The following DROSHA variants were observed in gnomAD, a reference collection of about 807,000 sequenced individuals.
DROSHA encodes drosha ribonuclease III.
DROSHA carries 56 observed loss-of-function variants against 181.9 expected under a neutral mutation model. The ratio of observed to expected loss-of-function variants is 0.31; its 90% CI spans 0.25 to 0.38. The LOEUF is 0.38. Among genes scored for constraint, DROSHA ranks in the 10% least tolerant of loss-of-function variants. The probability of loss-of-function intolerance (pLI) is 1.00; values close to 1 mark genes in which losing one functional copy is unlikely to be tolerated. For synonymous variants in DROSHA, 524 were observed against 591.2 expected, an observed-to-expected ratio of 0.89 and a Z score of 1.65; for missense variants, 1,218 against 1,743.5, an observed-to-expected ratio of 0.70 and a Z score of 5.37.
At position 31,464,348 on chromosome 5, in the gene DROSHA, A is replaced by T; in HGVS notation, c.2467-5T>A. On this transcript the variant is annotated splice_region_variant and splice_polypyrimidine_tract_variant and intron_variant, in intron 19 of 35. Transcript: ENST00000344624. ...CCGTATTTTTTGGAGGGCTTCCTAGAAAAGAATTCATTATGATGAGTAACA... is the reference window on the plus strand; with the variant it reads ...CCGTATTTTTTGGAGGGCTTCCTAGTAAAGAATTCATTATGATGAGTAACA... 6.2e-7 allele frequency: 1 copy of T among 1,612,242 alleles called. No homozygotes were observed. Among genetic ancestry groups the T allele is most frequent in the South Asian group, 1.1e-5 (1 of 90,920 alleles).
At chr5:31,423,360 G>A (rs1561135590) in intron 28 of DROSHA, 1 of 153,896 alleles carries the variant, frequency 6.5e-6, no homozygotes, top group Non-Finnish European at 1.4e-5. Flanking sequence ...CCTATGTCTG[G>A]AATCAAGACT....
intron 16 of DROSHA, among the ~76,000 whole-genome samples, chr5:31,478,510 G>A (rs1209500460): frequency 6.6e-6 from 1 of 152,192 alleles, no homozygotes; most frequent in Non-Finnish European, 1.5e-5. Context: ...GCTGAGGCGG[G>A]CAGACCTGAG....
intron 11 of DROSHA, among the ~76,000 whole-genome samples, chr5:31,503,786 G>A (rs1471007832): frequency 6.6e-6 from 1 of 152,172 alleles, no homozygotes; most frequent in African/African-American, 2.4e-5. Context: ...ACAATTCCTC[G>A]CTACACTTGC....
chr5:31,530,196 C>T (rs970381573), intron 3 of DROSHA, among the ~76,000 whole-genome samples: 2 of 152,092 alleles, frequency 1.3e-5, no homozygotes, highest in African/African-American at 4.8e-5. Context: ...TCATAGCTCA[C>T]TGCTGTCTCT....
intron 20 of DROSHA, among the ~76,000 whole-genome samples, chr5:31,458,565 T>G (rs894950623): frequency 2.0e-5 from 3 of 152,126 alleles, no homozygotes; most frequent in Non-Finnish European, 4.4e-5. Flanking sequence ...CACGTACAAA[T>G]AAAGAGAGTC....
In DROSHA at chr5:31,407,025, G is replaced by A. The variant is rs745452313; in HGVS notation, c.3855-80C>T. 5.8e-6 allele frequency: 7 copies of A among 1,212,874 alleles called. No individual in the cohort carries two copies. The Admixed American group carries it at 8.5e-5, about 15-fold the overall frequency. 75.1% of individuals were successfully genotyped at this position (1,212,874 alleles called of 1,614,324 possible). A position where few individuals can be genotyped will look rare whatever the true frequency, so the allele number is the denominator to read the frequency against. The stretch of plus-strand genomic sequence containing the variant: ...ACTATGTAACTATGAGGAAAACCAT[G>A]TACTTAGTGCCTAGACAGAGTTAAG... On this transcript the variant is annotated intron_variant, in intron 33 of 35. Transcript: ENST00000344624.
intron 30 of DROSHA, among the ~76,000 whole-genome samples, chr5:31,414,337 T>C (rs897964275): frequency 2.0e-5 from 3 of 152,240 alleles, no homozygotes; most frequent in Non-Finnish European, 4.4e-5. Flanking sequence ...TATCTATTTA[T>C]ATATTTTAGT....
intron 17 of DROSHA, among the ~76,000 whole-genome samples, chr5:31,471,634 A>C (rs1037143249): frequency 2.0e-5 from 3 of 152,196 alleles, no homozygotes; most frequent in Non-Finnish European, 4.4e-5. Context: ...TTAACAAAAG[A>C]AAACATGAAT....
intron 4 of DROSHA, 27 bp downstream of exon 4, chr5:31,529,013 T>C: frequency 2.5e-6 from 4 of 1,612,668 alleles, no homozygotes; most frequent in Non-Finnish European, 3.4e-6. Context: ...TCTCCCAAAC[T>C]ATTGCCATTC....
At chr5:31,418,279 G>GACACAGAGAGAGAGACAC (rs1398775850) in intron 30 of DROSHA, among the ~76,000 whole-genome samples, 58 of 152,018 alleles carry the variant, frequency 3.8e-4, no homozygotes, top group African/African-American at 1.4e-3. Flanking sequence ...GAGAGAGAGA[G>GACACAGAGAGAGAGACAC]ACACAGAGAG....
At position 31,510,063 on chromosome 5, in the gene DROSHA, A is replaced by AAAG. The variant is rs1554045123; in HGVS notation, c.1432+971_1432+972insCTT. 3.6e-5 allele frequency among the ~76,000 whole-genome samples: 5 copies of AAAG among 139,862 alleles called. 1 individual carries two copies. Among genetic ancestry groups the AAAG allele is most frequent in the African/African-American group, 4.9e-5 (2 of 40,416 alleles). 91.8% of individuals were successfully genotyped at this position (139,862 alleles called of 152,430 possible). A position where few individuals can be genotyped will look rare whatever the true frequency, so the allele number is the denominator to read the frequency against. The stretch of plus-strand genomic sequence containing the variant: ...TTTACCACAATTTGAAAAAAAAAAA[A>AAAG]AACAGACCTAGAAGTTAGATTAATC... On this transcript the variant is annotated intron_variant, in intron 9 of 35. Coordinates refer to ENST00000344624, the MANE Select transcript of DROSHA (RefSeq NM_001382508.1).
chr5:31,437,151 G>C, intron 24 of DROSHA, 88 bp downstream of exon 24: 1 of 1,360,066 alleles, frequency 7.4e-7, no homozygotes, highest in Non-Finnish European at 1.0e-6. Flanking sequence ...GCCTTATTTG[G>C]CTAATTACAA....
intron 35 of DROSHA, among the ~76,000 whole-genome samples, chr5:31,403,881 G>T (rs982576409): frequency 3.3e-5 from 5 of 151,874 alleles, no homozygotes; most frequent in Non-Finnish European, 7.4e-5. Flanking sequence ...AAACACATAG[G>T]TTTTTTTTAT....
chr5:31,435,642 G>T, intron 25 of DROSHA, 123 bp downstream of exon 25: 3 of 830,572 alleles, frequency 3.6e-6, no homozygotes, highest in South Asian at 1.8e-5. Context: ...ATACTTCCTG[G>T]TCTGTAAAAT....
rs557795095 is a variant in DROSHA at position 31,418,271 on chromosome 5, G to A, written c.3525+3001C>T. The stretch of plus-strand genomic sequence containing the variant: ...AGAGAGAGAGAGAGAGGGAGACAGA[G>A]AGAGAGAGACACAGAGAGAGAGAGA... On this transcript the variant is annotated intron_variant, in intron 30 of 35. Transcript: ENST00000344624. Among the ~76,000 whole-genome samples the A allele has an allele frequency of 2.6e-5, 4 of 152,172 alleles. No individual in the cohort carries two copies. The East Asian group carries it at 5.8e-4, about 22-fold the overall frequency.
intron 33 of DROSHA, chr5:31,408,783 T>C (rs1457678753): frequency 3.1e-6 from 1 of 318,140 alleles, no homozygotes; most frequent in Non-Finnish European, 5.8e-6. Context: ...TCTCATAATC[T>C]TAGTTGGTCT....
chr5:31,515,208 C>G lies in DROSHA; in HGVS notation c.1070G>C (p.Ser357Thr). ...PLEIVNHRSPSREKKRARWEE... is the reference protein window; with the variant it reads ...PLEIVNHRSPTREKKRARWEE... ...CCAACGAGCTCTCTTCTTCTCCCTA[C>G]TTGGGGAGCGACTTCAAAAGAGGGC... Residue 357 changes from serine to threonine, a missense_variant, in exon 8 of 36, where the codon AGT becomes ACT. Physicochemically the swap from Ser to Thr is moderately conservative, Grantham distance 58. Around this residue, in one of 8 missense-constraint regions of DROSHA, gnomAD observed 536 missense variants for 535.4 expected, o/e 1.00. Coordinates refer to ENST00000344624, the MANE Select transcript of DROSHA (RefSeq NM_001382508.1). 6.2e-7 allele frequency: 1 copy of G among 1,609,822 alleles called. No homozygotes were observed. The highest frequency in any genetic ancestry group is 2.2e-5 in the East Asian group (1 of 44,860).
chr5:31,450,044 G>A (rs1306281375), intron 21 of DROSHA, among the ~76,000 whole-genome samples: 1 of 152,024 alleles, frequency 6.6e-6, no homozygotes, highest in African/African-American at 2.4e-5. Flanking sequence ...ATATACAAAT[G>A]GCCAACAAAC....
intron 8 of DROSHA, 103 bp from the exon 9 acceptor site, chr5:31,511,279 G>A: frequency 8.8e-7 from 1 of 1,140,144 alleles, no homozygotes; most frequent in African/African-American, 1.6e-5. Context: ...ACAGCAAGAT[G>A]CTATTTTTCA....
Sources: gnomAD v4.1 joint callset for allele counts (sites outside exome capture counted in the v4.1 genomes callset) on GRCh38, gnomAD v4.1.1 for gene constraint, gnomAD v4.1.1 regional missense constraint, MANE v1.5 for transcripts, NCBI Gene and HGNC (gene_info 2026-07-23, HGNC 2026-07-21) for gene names.